Variants in ZBTB10 observed in about 807,000 individuals in gnomAD.
The protein encoded by ZBTB10 is zinc finger and BTB domain-containing protein 10.
A neutral mutation model predicts 76.4 loss-of-function variants in ZBTB10; 32 were observed. The ratio of observed to expected loss-of-function variants is 0.42; its 90% CI spans 0.32 to 0.56. The LOEUF (loss-of-function observed/expected upper bound fraction) is 0.56. Among genes scored for constraint, ZBTB10 ranks in the 20% least tolerant of loss-of-function variants. ZBTB10 has a pLI of 0.14. For missense variants in ZBTB10, 1,057 were observed against 1,098.5 expected, an observed-to-expected ratio of 0.96 and a Z score of 0.53; for synonymous variants, 523 against 432.9, an observed-to-expected ratio of 1.21 and a Z score of -2.58.
At chr8:80,505,655 T>TA (rs968283513) in intron 2 of ZBTB10, among the ~76,000 whole-genome samples, 12 of 152,246 alleles carry the variant, frequency 7.9e-5, no homozygotes, top group African/African-American at 2.4e-4. Context: ...GCTTTTTTGG[T>TA]AAAAAAGCAT....
chr8:80,518,798 C>T lies in ZBTB10; in HGVS notation c.2154C>T (p.Ile718=), dbSNP rs1367146505. The T allele has an allele frequency of 1.2e-6, 2 of 1,611,068 alleles. No homozygotes were observed. Among genetic ancestry groups the T allele is most frequent in the Admixed American group, 1.7e-5 (1 of 59,514 alleles). Residue 718 remains isoleucine (I), a synonymous_variant, in exon 5 of 6, where the codon ATC becomes ATT. Transcript: ENST00000455036. ...TTCTCATAGGTGAATCATCTCTAATCATGAACAAGTTAAAATGCCCTCATT... is the reference window on the plus strand; with the variant it reads ...TTCTCATAGGTGAATCATCTCTAATTATGAACAAGTTAAAATGCCCTCATT... The part of the protein sequence containing the change: ...ETWENGESSL[I]MNKLKCPHCS...
chr8:80,510,666 G>T (rs973181741), intron 2 of ZBTB10, among the ~76,000 whole-genome samples: 1 of 150,888 alleles, frequency 6.6e-6, no homozygotes, highest in African/African-American at 2.4e-5. Flanking sequence ...GTGTGTGTGT[G>T]TGTGTGTGTG....
intron 2 of ZBTB10, among the ~76,000 whole-genome samples, chr8:80,508,423 T>TTTTA (rs1816112074): frequency 1.3e-5 from 2 of 152,232 alleles, no homozygotes; most frequent in Admixed American, 6.5e-5. Flanking sequence ...TTGGAAACGT[T>TTTTA]TTTATTTAAA....
Position 80,520,801 on chromosome 8 carries a change from A to C in ZBTB10, c.*1273A>C, listed in dbSNP as rs904543079. 1.3e-5 allele frequency: 2 copies of C among 151,968 alleles called. No individual in the cohort carries two copies. The highest frequency in any genetic ancestry group is 2.9e-5 in the Non-Finnish European group (2 of 67,860). The allele number at this position is 151,968 out of a possible 1,614,324, so 9.4% of individuals were successfully genotyped here. A position where few individuals can be genotyped will look rare whatever the true frequency, so the allele number is the denominator to read the frequency against. On this transcript the variant is annotated 3_prime_UTR_variant, in exon 6 of 6. Coordinates refer to ENST00000455036, the MANE Select transcript of ZBTB10 (RefSeq NM_001105539.3). The stretch of plus-strand genomic sequence containing the variant: ...TATTATTCTATAAATTCTTCAGGGT[A>C]CAAAGGGTGACATATTGAGGTGAAA...
Position 80,520,664 on chromosome 8 carries a change from CTTAAT to C in ZBTB10, c.*1140_*1144del, listed in dbSNP as rs1350582317. 3.2e-4 allele frequency: 49 copies of C among 151,918 alleles called. No individual in the cohort carries two copies. The highest frequency in any genetic ancestry group is 5.9e-5 in the Non-Finnish European group (4 of 67,890). 9.4% of individuals were successfully genotyped at this position (151,918 alleles called of 1,614,324 possible). ...GATTGTTTTGAAATTATGATCAATA[CTTAAT>C]TTATTTTTTTCTGTCCTTGAAGTCA... On this transcript the variant is annotated 3_prime_UTR_variant, in exon 6 of 6. Transcript: ENST00000455036.
chr8:80,513,330 G>T (rs1048034462), intron 2 of ZBTB10, among the ~76,000 whole-genome samples: 2 of 151,916 alleles, frequency 1.3e-5, no homozygotes. Context: ...TTTTGTAGAG[G>T]TGTGGTTTTT....
At chr8:80,486,153 C>A, upstream of ZBTB10, 1 of 863,974 alleles carries the variant, frequency 1.2e-6, no homozygotes, top group Non-Finnish European at 1.5e-6. Context: ...CCTCCCCCAG[C>A]CCGGCCCCCA....
At chr8:80,499,429 C>A in intron 1 of ZBTB10, 65 bp from the exon 2 acceptor site, 1 of 1,432,256 alleles carries the variant, frequency 7.0e-7, no homozygotes, top group African/African-American at 1.4e-5. Context: ...AATTGTTTTC[C>A]TTGGTTTGGG....
rs745845012 is a variant in ZBTB10 at position 80,499,895 on chromosome 8, C to T, written c.1374C>T (p.Phe458=). 4 of 1,613,854 alleles carry T rather than the reference C, an allele frequency of 2.5e-6. No homozygotes were observed. The highest frequency in any genetic ancestry group is 1.7e-5 in the Admixed American group (1 of 59,996). ...AAGTTGTTCAAACTTGCCGAAATTT[C>T]ATTAAAGATGCCTTAAATATAAGCA... ...MSEVVQTCRN[F]IKDALNISIK... is the part of the protein sequence containing the mutation. The change falls in exon 2 of 6, where the codon TTC becomes TTT. Residue 458 remains phenylalanine (F), a synonymous_variant. Transcript: ENST00000455036.
At chr8:80,503,761 TGA>T (rs1815982511) in intron 2 of ZBTB10, among the ~76,000 whole-genome samples, 1 of 152,130 alleles carries the variant, frequency 6.6e-6, no homozygotes, top group Non-Finnish European at 1.5e-5. Context: ...TGACCACAAG[TGA>T]TCTGCCCACT....
At position 80,500,174 on chromosome 8, in the gene ZBTB10, T is replaced by G. The variant is rs367553220; in HGVS notation, c.1653T>G (p.Ser551=). Residue 551 remains serine, a synonymous_variant, in exon 2 of 6, where the codon TCT becomes TCG. Coordinates refer to ENST00000455036, the MANE Select transcript of ZBTB10 (RefSeq NM_001105539.3). The part of the protein sequence containing the change: ...DGSPEMAENE[S]EGQTKVFIWN... ...CTCCTGAAATGGCTGAAAATGAATC[T>G]GAAGGTCAAACAAAAGTGTTTATTT... The G allele has an allele frequency of 6.2e-7, 1 of 1,611,214 alleles. No homozygotes were observed. The highest frequency in any genetic ancestry group is 1.3e-5 in the African/African-American group (1 of 74,886).
In ZBTB10 at chr8:80,518,452, T is replaced by C. The variant is rs187286527; in HGVS notation, c.2010T>C (p.Asp670=). 14 of 1,553,310 alleles carry C rather than the reference T, an allele frequency of 9.0e-6. No individual in the cohort carries two copies. In the Admixed American group the frequency reaches 2.5e-4, roughly 28 times the overall value. ...GTTTGATGCCTGGTCCTTCAAATGA[T>C]TTCAAGTATGGATTGATACCAGGTA... is the stretch of plus-strand genomic sequence containing the variant. ...KYGLMPGPSN[D]FKYGLIPGTS... Residue 670 remains aspartate (D), a synonymous_variant, in exon 4 of 6, where the codon GAT becomes GAC. Coordinates refer to ENST00000455036, the MANE Select transcript of ZBTB10 (RefSeq NM_001105539.3).
chr8:80,494,470 A>G (rs1452654528), intron 1 of ZBTB10, among the ~76,000 whole-genome samples: 7 of 152,060 alleles, frequency 4.6e-5, no homozygotes, highest in African/African-American at 1.4e-4. Flanking sequence ...AATGCTGATG[A>G]CCCTATGATT....
At chr8:80,493,741 A>T (rs951293227) in intron 1 of ZBTB10, among the ~76,000 whole-genome samples, 1 of 151,906 alleles carries the variant, frequency 6.6e-6, no homozygotes, top group Non-Finnish European at 1.5e-5. Context: ...GAGGCAGGAG[A>T]ATCGCTTCAA....
chr8:80,506,337 TAG>T (rs1816052400), intron 2 of ZBTB10, among the ~76,000 whole-genome samples: 1 of 152,060 alleles, frequency 6.6e-6, no homozygotes, highest in African/African-American at 2.4e-5. Context: ...TTTTTTGAGA[TAG>T]AGTTTCACTC....
chr8:80,497,563 A>C (rs1434017614), intron 1 of ZBTB10, among the ~76,000 whole-genome samples: 1 of 152,116 alleles, frequency 6.6e-6, no homozygotes, highest in Non-Finnish European at 1.5e-5. Context: ...GATCAGTCAA[A>C]AATGAGGAAA....
In ZBTB10 at chr8:80,487,490, A is replaced by G. The variant is rs190237662; in HGVS notation, c.680A>G (p.Glu227Gly). 1.3e-6 allele frequency: 2 copies of G among 1,553,908 alleles called. No homozygotes were observed. Among genetic ancestry groups the G allele is most frequent in the East Asian group, 4.9e-5 (2 of 41,042 alleles). ...GAGGGCAGCGGTGTGGGAGCTGGCG[A>G]AGGAGAGACTGTCCAGCACTTCCCG... Reference protein sequence around the residue: ...EVEGSGVGAGEGETVQHFPLA... With the variant: ...EVEGSGVGAGGGETVQHFPLA... Residue 227 changes from glutamate to glycine, a missense_variant, in exon 1 of 6, where the codon GAA becomes GGA. By Grantham distance (98) the Glu-to-Gly change is moderately conservative (BLOSUM62 -2). Around this residue, in one of 5 missense-constraint regions of ZBTB10, gnomAD observed 556 missense variants for 451.7 expected, o/e 1.23. Coordinates refer to ENST00000455036, the MANE Select transcript of ZBTB10 (RefSeq NM_001105539.3).
chr8:80,525,815 CAA>C lies in ZBTB10; in HGVS notation c.*6290_*6291del, dbSNP rs1248629107. Reference sequence around the variant, plus strand: ...TCAAAAGTATTTACTAAGTGAGTGACAAAAGGCACTAGCAACTTTAAGGATTT... The same window carrying C: ...TCAAAAGTATTTACTAAGTGAGTGACAAGGCACTAGCAACTTTAAGGATTT... On this transcript the variant is annotated 3_prime_UTR_variant, in exon 6 of 6. Coordinates refer to ENST00000455036, the MANE Select transcript of ZBTB10 (RefSeq NM_001105539.3). 3.9e-5 allele frequency: 6 copies of C among 152,258 alleles called. No individual in the cohort carries two copies. Among genetic ancestry groups the C allele is most frequent in the Admixed American group, 2.0e-4 (3 of 15,278 alleles). 9.4% of individuals were successfully genotyped at this position (152,258 alleles called of 1,614,324 possible).
chr8:80,497,158 A>C (rs185393690), intron 1 of ZBTB10, among the ~76,000 whole-genome samples: 4 of 152,190 alleles, frequency 2.6e-5, no homozygotes, highest in Non-Finnish European at 4.4e-5. Context: ...ACATTTTCAC[A>C]CAAGTCCTAA....
Sources: gnomAD v4.1 joint callset for allele counts (sites outside exome capture counted in the v4.1 genomes callset) on GRCh38, gnomAD v4.1.1 for gene constraint, gnomAD v4.1.1 regional missense constraint, MANE v1.5 for transcripts, NCBI Gene and HGNC (gene_info 2026-07-23, HGNC 2026-07-21) for gene names.